The following COL19A1 variants were observed in gnomAD, a reference collection of about 807,000 sequenced individuals.
The protein encoded by COL19A1 is collagen type XIX alpha 1 chain.
In COL19A1, 159 loss-of-function variants were observed where a neutral mutation model predicts 190.2. The ratio of observed to expected loss-of-function variants is 0.84; its 90% confidence interval spans 0.73 to 0.95. The LOEUF (loss-of-function observed/expected upper bound fraction) is 0.95, where lower values mean the gene tolerates loss of function less well. COL19A1 is among the 40% of genes least tolerant of loss of function. COL19A1 has a pLI of 0.00. For missense variants in COL19A1, 1,418 were observed against 1,431.9 expected (o/e 0.99, Z 0.16); for synonymous variants, 509 against 458.9 (o/e 1.11, Z -1.39).
intron 11 of COL19A1, among the ~76,000 whole-genome samples, chr6:69,998,510 A>G (rs1374400539): frequency 6.6e-6 from 1 of 151,704 alleles, no homozygotes; most frequent in African/African-American, 2.4e-5. Context: ...ACCGAGCATG[A>G]TGGTGCATAC....
At chr6:70,058,153 T>C (rs529742256) in intron 14 of COL19A1, among the ~76,000 whole-genome samples, 4 of 152,052 alleles carry the variant, frequency 2.6e-5, no homozygotes, top group East Asian at 1.9e-4. Flanking sequence ...TCAGGACCTA[T>C]ATAATAAAAA....
At chr6:69,956,944 C>A (rs1409525640) in intron 9 of COL19A1, among the ~76,000 whole-genome samples, 1 of 151,908 alleles carries the variant, frequency 6.6e-6, no homozygotes, top group Non-Finnish European at 1.5e-5. Flanking sequence ...GGCTGAATGT[C>A]TAACTGTTAA....
chr6:70,093,372 CATG>C (rs1178065257), intron 15 of COL19A1, among the ~76,000 whole-genome samples: 2 of 152,078 alleles, frequency 1.3e-5, no homozygotes, highest in African/African-American at 4.8e-5. Flanking sequence ...CTGCCCCATC[CATG>C]ATACTAGACC....
At chr6:70,120,634 T>C (rs1304495371) in intron 16 of COL19A1, among the ~76,000 whole-genome samples, 1 of 152,212 alleles carries the variant, frequency 6.6e-6, no homozygotes, top group African/African-American at 2.4e-5. Context: ...TGTTTCAGCA[T>C]GGTAACAGCA....
chr6:69,867,840 C>T (rs1341737737), intron 1 of COL19A1, among the ~76,000 whole-genome samples: 4 of 152,080 alleles, frequency 2.6e-5, no homozygotes, highest in Admixed American at 1.3e-4. Context: ...GCCCAGAATG[C>T]TGATAATAAG....
At chr6:69,878,714 A>G (rs1042785813) in intron 1 of COL19A1, among the ~76,000 whole-genome samples, 5 of 152,170 alleles carry the variant, frequency 3.3e-5, no homozygotes, top group African/African-American at 9.7e-5. Flanking sequence ...ATATACCCAA[A>G]AGAATTGAAA....
chr6:69,974,527 C>T (rs1034101009), intron 11 of COL19A1, among the ~76,000 whole-genome samples: 3 of 152,188 alleles, frequency 2.0e-5, no homozygotes, highest in Non-Finnish European at 4.4e-5. Context: ...CCAGTAATCA[C>T]AGAGCGAATC....
chr6:69,928,135 A>T, intron 5 of COL19A1, 103 bp downstream of exon 5: 1 of 1,461,642 alleles, frequency 6.8e-7, no homozygotes, highest in South Asian at 1.3e-5. Context: ...CTAGTATCCA[A>T]ATGTTCTATC....
chr6:70,137,651 T>G, intron 18 of COL19A1, 34 bp from the exon 19 acceptor site: 4 of 1,604,408 alleles, frequency 2.5e-6, no homozygotes, highest in Non-Finnish European at 2.6e-6. Flanking sequence ...TCTCTAACCA[T>G]CTGCAAAATC....
intron 14 of COL19A1, among the ~76,000 whole-genome samples, chr6:70,068,222 T>A (rs1781358413): frequency 6.6e-6 from 1 of 151,966 alleles, no homozygotes; most frequent in African/African-American, 2.4e-5. Context: ...TTTTTTTCTT[T>A]CTGGAGTTAG....
chr6:70,128,491 T>C (rs1390903255), intron 17 of COL19A1, among the ~76,000 whole-genome samples: 1 of 152,188 alleles, frequency 6.6e-6, no homozygotes, highest in East Asian at 1.9e-4. Flanking sequence ...GAAGGTCGAT[T>C]ACTGAAGAGT....
At chr6:70,097,781 A>G (rs1182928612) in intron 15 of COL19A1, among the ~76,000 whole-genome samples, 1 of 152,172 alleles carries the variant, frequency 6.6e-6, no homozygotes, top group Non-Finnish European at 1.5e-5. Flanking sequence ...GGATTAGCCC[A>G]GTTATAATAA....
At chr6:70,082,076 A>C (rs529842669) in intron 15 of COL19A1, among the ~76,000 whole-genome samples, 160 of 152,338 alleles carry the variant, frequency 1.1e-3, no homozygotes, top group African/African-American at 3.6e-3. Context: ...AATATTTAAC[A>C]AGTTTGATAA....
Position 70,081,380 on chromosome 6 carries a change from A to G in COL19A1, c.1224+12904A>G, listed in dbSNP as rs192491489. Among the ~76,000 whole-genome samples the G allele has an allele frequency of 2.9e-3, 440 of 152,274 alleles. 4 individuals are homozygous for G. In the South Asian group the frequency reaches 0.033, roughly 11 times the overall value. On this transcript the variant is annotated intron_variant, in intron 15 of 50. Transcript: ENST00000620364. ...CTTTACCACATCATTTTCAACAACA[A>G]GGCACATTTTCTAGCATTAACACAC...
chr6:70,047,591 C>T (rs565157679), intron 14 of COL19A1, among the ~76,000 whole-genome samples: 15 of 151,970 alleles, frequency 9.9e-5, no homozygotes, highest in Non-Finnish European at 1.2e-4. Context: ...TATTCAAGTA[C>T]GATAAGCACA....
chr6:70,193,706 G>A (rs1767018663), intron 48 of COL19A1, among the ~76,000 whole-genome samples: 1 of 152,148 alleles, frequency 6.6e-6, no homozygotes, highest in African/African-American at 2.4e-5. Context: ...TGTCTCTCTT[G>A]ACACTAGTCC....
At chr6:69,953,671 G>A (rs891292694) in intron 9 of COL19A1, among the ~76,000 whole-genome samples, 3 of 151,858 alleles carry the variant, frequency 2.0e-5, no homozygotes, top group Non-Finnish European at 4.4e-5. Context: ...CAGTTGGCAG[G>A]GAACACAACA....
At chr6:69,966,081 T>C (rs1456906050) in intron 11 of COL19A1, among the ~76,000 whole-genome samples, 2 of 152,172 alleles carry the variant, frequency 1.3e-5, no homozygotes, top group African/African-American at 4.8e-5. Flanking sequence ...TTCATCAAAC[T>C]CTTGTTATGT....
intron 16 of COL19A1, among the ~76,000 whole-genome samples, chr6:70,105,534 A>G (rs560186480): frequency 6.6e-6 from 1 of 152,346 alleles, no homozygotes; most frequent in South Asian, 2.1e-4. Context: ...GTATTTTATT[A>G]CAATTTACAA....
Sources: gnomAD v4.1 joint callset for allele counts (sites outside exome capture counted in the v4.1 genomes callset) on GRCh38, gnomAD v4.1.1 for gene constraint, MANE v1.5 for transcripts, NCBI Gene and HGNC (gene_info 2026-07-23, HGNC 2026-07-21) for gene names.